NSD2: variants seen among roughly 807,000 people sequenced by gnomAD.
The protein encoded by NSD2 is histone-lysine N-methyltransferase NSD2.
In NSD2, 12 loss-of-function variants were observed where a neutral mutation model predicts 139.0. The ratio of observed to expected loss-of-function variants is 0.09; its 90% CI spans 0.06 to 0.14. The LOEUF is 0.14. Among genes scored for constraint, NSD2 ranks in the 10% least tolerant of loss-of-function variants. The pLI, the probability that NSD2 is intolerant of heterozygous loss-of-function variation, is 1.00. For missense variants in NSD2, 1,155 were observed against 1,745.0 expected (o/e 0.66, Z 6.02); for synonymous variants, 669 against 648.7 (o/e 1.03, Z -0.48).
At chr4:1,946,170 A>C in intron 9 of NSD2, 2 of 1,023,088 alleles carry the variant, frequency 2.0e-6, no homozygotes, top group Non-Finnish European at 2.3e-6. Context: ...AACTGAGGTA[A>C]CTGTCATTAG....
Position 1,978,717 on chromosome 4 carries a change from G to A in NSD2, c.3906G>A (p.Ser1302=), listed in dbSNP as rs754816282. The change falls in exon 22 of 22, where the codon TCG becomes TCA. Residue 1302 remains serine, a synonymous_variant. Transcript: ENST00000508803. ...STSFCHLCPN[S]FCKEHQDGTA... ...CATTTTGCCACCTCTGCCCCAATTCGTTCTGTAAGGAGCACCAGGACGGGA... is the reference window on the plus strand; with the variant it reads ...CATTTTGCCACCTCTGCCCCAATTCATTCTGTAAGGAGCACCAGGACGGGA... The A allele has an allele frequency of 8.7e-6, 14 of 1,613,986 alleles. No homozygotes were observed. Among genetic ancestry groups the A allele is most frequent in the Admixed American group, 1.7e-5 (1 of 60,000 alleles).
At chr4:1,884,906 T>G (rs959701627) in intron 1 of NSD2, among the ~76,000 whole-genome samples, 8 of 151,340 alleles carry the variant, frequency 5.3e-5, no homozygotes, top group African/African-American at 1.5e-4. Context: ...GTCAGGAGTT[T>G]GAGACCAGCC....
chr4:1,964,561 G>A (rs1725682133), intron 18 of NSD2, among the ~76,000 whole-genome samples: 1 of 152,188 alleles, frequency 6.6e-6, no homozygotes, highest in African/African-American at 2.4e-5. Context: ...TCTCCAAATA[G>A]TGGGTATCTG....
At chr4:1,911,590 A>G (rs1393268547) in intron 3 of NSD2, among the ~76,000 whole-genome samples, 2 of 141,116 alleles carry the variant, frequency 1.4e-5, no homozygotes, top group African/African-American at 5.0e-5. Context: ...GCCATCTCAA[A>G]AAAAAAAAAA....
In NSD2 at chr4:1,982,143, G is replaced by C. The variant is rs574185810; in HGVS notation, c.*3234G>C. On this transcript the variant is annotated 3_prime_UTR_variant, in exon 22 of 22. Coordinates refer to ENST00000508803, the MANE Select transcript of NSD2 (RefSeq NM_001042424.3). ...AATAGCATTTAAAATGGAAAGCTGT[G>C]TTTGGAAAATTGTGTATGAGTATTT... 2.5e-6 allele frequency: 1 copy of C among 393,732 alleles called. No individual in the cohort carries two copies. Among genetic ancestry groups the C allele is most frequent in the South Asian group, 1.4e-4 (1 of 6,986 alleles). The allele number at this position is 393,732 out of a possible 1,614,324, so 24.4% of individuals were successfully genotyped here.
At chr4:1,917,529 C>T (rs577854026) in intron 4 of NSD2, among the ~76,000 whole-genome samples, 24 of 152,230 alleles carry the variant, frequency 1.6e-4, no homozygotes, top group Admixed American at 3.3e-4. Flanking sequence ...TCTGCCCCTC[C>T]GGGTTCAAGC....
At chr4:1,872,239 C>T (rs1189570327) in intron 1 of NSD2, among the ~76,000 whole-genome samples, 1 of 152,122 alleles carries the variant, frequency 6.6e-6, no homozygotes, top group African/African-American at 2.4e-5. Flanking sequence ...GGGCTGCGCG[C>T]CCTCGGCGTC....
At chr4:1,947,735 C>T (rs1723783220) in intron 9 of NSD2, 3 of 1,052,076 alleles carry the variant, frequency 2.9e-6, no homozygotes, top group African/African-American at 1.7e-5. Context: ...CTTTACAAAA[C>T]CATCATTTCA....
chr4:1,950,658 C>T (rs528517283), intron 9 of NSD2, among the ~76,000 whole-genome samples: 2 of 152,290 alleles, frequency 1.3e-5, no homozygotes, highest in African/African-American at 2.4e-5. Context: ...TTTACACATT[C>T]GTTTGGTGTT....
Position 1,942,669 on chromosome 4 carries a change from C to T in NSD2, c.1881+2891C>T. 8.6e-7 allele frequency: 1 copy of T among 1,158,840 alleles called. No individual in the cohort carries two copies. Among genetic ancestry groups the T allele is most frequent in the Non-Finnish European group, 1.1e-6 (1 of 936,816 alleles). The allele number at this position is 1,158,840 out of a possible 1,614,324, so 71.8% of individuals were successfully genotyped here. A position where few individuals can be genotyped will look rare whatever the true frequency, so the allele number is the denominator to read the frequency against. On this transcript the variant is annotated intron_variant, in intron 9 of 21. Coordinates refer to ENST00000508803, the MANE Select transcript of NSD2 (RefSeq NM_001042424.3). The surrounding 1 kb of genome is among the most constrained non-coding windows in gnomAD (Gnocchi z 4.0). Reference sequence around the variant, plus strand: ...GTAGATTTCAAGTTGAAAGGCAGTCCCTTTAGTTGGGGGCTGTCCAGAGCT... The same window carrying T: ...GTAGATTTCAAGTTGAAAGGCAGTCTCTTTAGTTGGGGGCTGTCCAGAGCT...
intron 5 of NSD2, among the ~76,000 whole-genome samples, chr4:1,929,233 G>A (rs1196617693): frequency 2.0e-5 from 3 of 152,114 alleles, no homozygotes; most frequent in Non-Finnish European, 4.4e-5. Flanking sequence ...GTGGGGCCAT[G>A]GGAGGCTATA....
At position 1,922,897 on chromosome 4, in the gene NSD2, G is replaced by T. The variant is rs555546233; in HGVS notation, c.1410+4274G>T. 3.3e-5 allele frequency among the ~76,000 whole-genome samples: 5 copies of T among 152,352 alleles called. No homozygotes were observed. In the South Asian group the frequency reaches 1.0e-3, roughly 32 times the overall value. ...GCTGGGATTGTGCCATTGTACTCCA[G>T]CCTGGGTGACAGAACAAGATTCTGT... On this transcript the variant is annotated intron_variant, in intron 5 of 21. Transcript: ENST00000508803.
At position 1,935,209 on chromosome 4, in the gene NSD2, G is replaced by T; in HGVS notation, c.1621G>T (p.Ala541Ser). Residue 541 changes from alanine (A) to serine (S), a missense_variant, in exon 7 of 22, where the codon GCT (alanine) becomes TCT (serine). Ala to Ser is a moderately conservative substitution (Grantham distance 99). Around this residue, in one of 8 missense-constraint regions of NSD2, gnomAD observed 420 missense variants for 469.0 expected, o/e 0.90. Transcript: ENST00000508803. ...ACAGGACCCTACAGAAGATGCTGAA[G>T]CTGAGGACACACCCAGGAAAAGACT... ...RIQDPTEDAE[A>S]EDTPRKRLRT... 6.2e-7 allele frequency: 1 copy of T among 1,613,730 alleles called. No homozygotes were observed. The highest frequency in any genetic ancestry group is 8.5e-7 in the Non-Finnish European group (1 of 1,179,808).
chr4:1,885,745 C>A (rs1307063757), intron 1 of NSD2, among the ~76,000 whole-genome samples: 5 of 152,028 alleles, frequency 3.3e-5, no homozygotes, highest in African/African-American at 9.7e-5. Context: ...TCTTTGTTAC[C>A]ACCCAGAGAT....
rs754405808 is a variant in NSD2 at position 1,976,527 on chromosome 4, C to T, written c.3674C>T (p.Thr1225Met). 37 of 1,613,788 alleles carry T rather than the reference C, an allele frequency of 2.3e-5. No homozygotes were observed. Among genetic ancestry groups the T allele is most frequent in the Non-Finnish European group, 2.8e-5 (33 of 1,179,936 alleles). Residue 1225 changes from threonine (T) to methionine (M), a missense_variant, in exon 21 of 22, where the codon ACG (threonine) becomes ATG (methionine). Thr to Met is a moderately conservative substitution (Grantham distance 81, BLOSUM62 -1). Transcript: ENST00000508803. The surrounding 1 kb of genome is among the most constrained non-coding windows in gnomAD (Gnocchi z 5.3). ...AAGGGCAAAAAGACCAAGAAGAAAA[C>T]GAGGCGGCGCAGAGCAAAAGGGGAA... ...EEKGKKTKKK[T>M]RRRRAKGEGK...
chr4:1,952,377 C>A, intron 11 of NSD2, 146 bp downstream of exon 11: 2 of 1,260,988 alleles, frequency 1.6e-6, no homozygotes, highest in Non-Finnish European at 2.2e-6. Context: ...GCTTGTAGCC[C>A]ACAGCTGGCA....
chr4:1,930,527 A>G (rs1721515910), intron 5 of NSD2, 99 bp from the exon 6 acceptor site: 2 of 1,290,582 alleles, frequency 1.5e-6, no homozygotes, highest in South Asian at 1.8e-5. Context: ...AATGCGACAC[A>G]CTAAGTTCTA....
At chr4:1,885,997 A>G (rs902243451) in intron 1 of NSD2, among the ~76,000 whole-genome samples, 9 of 152,222 alleles carry the variant, frequency 5.9e-5, no homozygotes, top group African/African-American at 2.2e-4. Flanking sequence ...TAATTTGTAG[A>G]ATACAGAAAA....
At chr4:1,876,107 G>A (rs917755003) in intron 1 of NSD2, among the ~76,000 whole-genome samples, 2 of 151,688 alleles carry the variant, frequency 1.3e-5, no homozygotes, top group African/African-American at 2.4e-5. Flanking sequence ...CCAGCTACTC[G>A]GGAGGCTGAG....
Sources: gnomAD v4.1 joint callset for allele counts (sites outside exome capture counted in the v4.1 genomes callset) on GRCh38, gnomAD v4.1.1 for gene constraint, gnomAD v4.1.1 regional missense constraint, Gnocchi (gnomAD v3.1) non-coding constraint, MANE v1.5 for transcripts, NCBI Gene and HGNC (gene_info 2026-07-23, HGNC 2026-07-21) for gene names.